The following PHACTR1 variants were observed in gnomAD, a reference collection of about 807,000 sequenced individuals.
The protein encoded by PHACTR1 is phosphatase and actin regulator 1, also known as RPEL repeat containing 1.
A neutral mutation model predicts 69.2 loss-of-function variants in PHACTR1; 16 were observed. That is an observed-to-expected ratio of 0.23 (90% CI 0.16 to 0.35). PHACTR1 has a LOEUF of 0.35. PHACTR1 is among the 10% of genes least tolerant of loss of function. The probability of loss-of-function intolerance (pLI) is 1.00; values close to 1 mark genes in which losing one functional copy is unlikely to be tolerated. For synonymous variants in PHACTR1, 312 were observed against 284.5 expected (o/e 1.10, Z -0.97); for missense variants, 510 against 734.7 (o/e 0.69, Z 3.54).
At chr6:13,069,275 C>G (rs1261873898) in intron 5 of PHACTR1, among the ~76,000 whole-genome samples, 1 of 152,200 alleles carries the variant, frequency 6.6e-6, no homozygotes, top group Admixed American at 6.5e-5. Flanking sequence ...TGCCACCTCT[C>G]TTGCACCTCT....
chr6:12,811,772 C>T (rs1035012321), intron 4 of PHACTR1, among the ~76,000 whole-genome samples: 1 of 152,046 alleles, frequency 6.6e-6, no homozygotes, highest in Non-Finnish European at 1.5e-5. Flanking sequence ...TTACATAACT[C>T]GGTGTTCTGC....
chr6:13,161,762 C>T (rs1035313727), intron 6 of PHACTR1, among the ~76,000 whole-genome samples: 4 of 152,086 alleles, frequency 2.6e-5, no homozygotes, highest in African/African-American at 9.7e-5. Flanking sequence ...GGGCCTTCCC[C>T]GTGGTACTTT....
At chr6:12,899,260 A>C (rs1784968166) in intron 4 of PHACTR1, among the ~76,000 whole-genome samples, 1 of 152,252 alleles carries the variant, frequency 6.6e-6, no homozygotes, top group Non-Finnish European at 1.5e-5. Flanking sequence ...TAAGGGATCA[A>C]GAAATATTCA....
intron 4 of PHACTR1, among the ~76,000 whole-genome samples, chr6:12,918,922 T>G (rs1787323314): frequency 6.6e-6 from 1 of 152,198 alleles, no homozygotes; most frequent in Non-Finnish European, 1.5e-5. Context: ...TTGCGAAATT[T>G]CTTTGATTTT....
At chr6:13,032,293 C>A (rs1450771113) in intron 4 of PHACTR1, among the ~76,000 whole-genome samples, 2 of 152,160 alleles carry the variant, frequency 1.3e-5, no homozygotes, top group East Asian at 3.8e-4. Context: ...ACGTTAAGTT[C>A]AGCTTATTTA....
At chr6:12,872,729 G>GT (rs1782167260) in intron 4 of PHACTR1, among the ~76,000 whole-genome samples, 1 of 151,850 alleles carries the variant, frequency 6.6e-6, no homozygotes, top group African/African-American at 2.4e-5. Context: ...CTCATCATTC[G>GT]TGTTCATCAC....
chr6:13,201,526 C>T (rs1765233952), intron 7 of PHACTR1, among the ~76,000 whole-genome samples: 1 of 152,166 alleles, frequency 6.6e-6, no homozygotes, highest in African/African-American at 2.4e-5. Flanking sequence ...GCATGCCCAG[C>T]AGGTGCTGTA....
intron 3 of PHACTR1, among the ~76,000 whole-genome samples, chr6:12,732,878 G>A (rs1763726620): frequency 6.6e-6 from 1 of 152,064 alleles, no homozygotes; most frequent in Non-Finnish European, 1.5e-5. Context: ...TTTTCCCAAC[G>A]GGTGACTTTG....
At chr6:13,253,473 C>G (rs1774766127) in intron 10 of PHACTR1, among the ~76,000 whole-genome samples, 1 of 152,134 alleles carries the variant, frequency 6.6e-6, no homozygotes, top group Admixed American at 6.5e-5. Flanking sequence ...CACAATATTG[C>G]CTGTGACAGT....
chr6:13,242,568 A>G (rs192894255), intron 10 of PHACTR1, among the ~76,000 whole-genome samples: 1 of 152,354 alleles, frequency 6.6e-6, no homozygotes, highest in East Asian at 1.9e-4. Context: ...CATGGAGGTC[A>G]CTAATGCCCA....
Position 12,937,010 on chromosome 6 carries a change from T to C in PHACTR1, c.251-116355T>C, listed in dbSNP as rs1789529956. Among the ~76,000 whole-genome samples the C allele has an allele frequency of 4.6e-5, 7 of 152,316 alleles. No individual in the cohort carries two copies. In the South Asian group the frequency reaches 1.4e-3, roughly 32 times the overall value. On this transcript the variant is annotated intron_variant, in intron 4 of 14. Coordinates refer to ENST00000332995, the MANE Select transcript of PHACTR1 (RefSeq NM_030948.6). ...TTCCAAAACTTAAGATTTCTGTTCTTTGTTTATCATTTAAGGAACAGTTTC... is the reference window on the plus strand; with the variant it reads ...TTCCAAAACTTAAGATTTCTGTTCTCTGTTTATCATTTAAGGAACAGTTTC...
chr6:12,856,235 TTTTC>T lies in PHACTR1; in HGVS notation c.250+106465_250+106468del, dbSNP rs568013336. ...TTCACCCTTTCTTTTTTTCTTTTCT[TTTTC>T]TTTCTTTCTTTCTTTCTTTTTTTTT... On this transcript the variant is annotated intron_variant, in intron 4 of 14. Transcript: ENST00000332995. Among the ~76,000 whole-genome samples the T allele has an allele frequency of 2.0e-3, 280 of 139,196 alleles. 3 individuals are homozygous for T. Among genetic ancestry groups the T allele is most frequent in the African/African-American group, 6.1e-3 (238 of 39,102 alleles). The allele number at this position is 139,196 out of a possible 152,430, so 91.3% of individuals were successfully genotyped here.
chr6:12,845,422 ACC>A (rs1779113119), intron 4 of PHACTR1, among the ~76,000 whole-genome samples: 1 of 12,798 alleles, frequency 7.8e-5, no homozygotes. Flanking sequence ...CATTGTGAAC[ACC>A]ACCCACCCCC....
At chr6:12,922,256 A>C (rs1787797315) in intron 4 of PHACTR1, among the ~76,000 whole-genome samples, 1 of 152,198 alleles carries the variant, frequency 6.6e-6, no homozygotes, top group Non-Finnish European at 1.5e-5. Flanking sequence ...GAAAATTGGA[A>C]TAAAAAATGA....
intron 7 of PHACTR1, among the ~76,000 whole-genome samples, chr6:13,185,715 C>T (rs1762748546): frequency 6.6e-6 from 1 of 152,204 alleles, no homozygotes; most frequent in African/African-American, 2.4e-5. Flanking sequence ...TAAAATATTT[C>T]AGAGGGTCAT....
intron 4 of PHACTR1, among the ~76,000 whole-genome samples, chr6:12,857,593 C>T (rs1780524646): frequency 8.2e-6 from 1 of 121,572 alleles, no homozygotes; most frequent in African/African-American, 2.7e-5. Context: ...CAGAATAAGA[C>T]TCCATCTTAA....
chr6:12,921,026 G>T (rs1172705112), intron 4 of PHACTR1, among the ~76,000 whole-genome samples: 1 of 152,202 alleles, frequency 6.6e-6, no homozygotes, highest in Non-Finnish European at 1.5e-5. Flanking sequence ...TAAGGCACTT[G>T]TCCCCAGTTC....
chr6:13,176,734 T>C (rs1314958878), intron 6 of PHACTR1, among the ~76,000 whole-genome samples: 3 of 152,186 alleles, frequency 2.0e-5, no homozygotes, highest in African/African-American at 4.8e-5. Context: ...AAAGTTTTAT[T>C]TTTAGTTTTT....
intron 7 of PHACTR1, among the ~76,000 whole-genome samples, chr6:13,182,977 G>T (rs887310199): frequency 6.6e-6 from 1 of 151,992 alleles, no homozygotes; most frequent in Non-Finnish European, 1.5e-5. Context: ...TTATTATTTT[G>T]TTTTTTAACA....
Sources: allele counts gnomAD v4.1 joint callset (sites outside exome capture counted in the v4.1 genomes callset), GRCh38; gene constraint gnomAD v4.1.1; transcripts MANE v1.5; gene names NCBI Gene and HGNC (gene_info 2026-07-23, HGNC 2026-07-21).